The following NUP93 variants were observed in gnomAD, a reference collection of about 807,000 sequenced individuals.
NUP93 encodes nuclear pore complex protein Nup93.
NUP93 carries 55 observed loss-of-function variants against 107.8 expected under a neutral mutation model. That is an observed-to-expected ratio of 0.51 (90% confidence interval 0.41 to 0.64). NUP93 has a LOEUF of 0.64. NUP93 is among the 30% of genes least tolerant of loss of function. The pLI is 0.00. For missense variants in NUP93, 937 were observed against 1,044.7 expected (o/e 0.90, Z 1.42); for synonymous variants, 390 against 397.5 (o/e 0.98, Z 0.22).
At position 56,809,703 on chromosome 16, in the gene NUP93, G is replaced by A. The variant is rs573890127; in HGVS notation, c.489+4071G>A. The stretch of plus-strand genomic sequence containing the variant: ...GTTGGCAAAGGGTAACTGCACATCC[G>A]GTATCTATTCCTGGTTTGTTCCTGA... On this transcript the variant is annotated intron_variant, in intron 5 of 21. Coordinates refer to ENST00000308159, the MANE Select transcript of NUP93 (RefSeq NM_014669.5). 9.2e-5 allele frequency among the ~76,000 whole-genome samples: 14 copies of A among 152,168 alleles called. 1 individual carries two copies. The South Asian group carries it at 1.9e-3, about 20-fold the overall frequency.
chr16:56,805,786 C>A, intron 5 of NUP93, 154 bp downstream of exon 5: 1 of 754,636 alleles, frequency 1.3e-6, no homozygotes, highest in Non-Finnish European at 2.1e-6. Context: ...TTTGCCTGGA[C>A]TTCCTCCAAC....
rs1331626884 is a variant in NUP93, at chr16:56,845,435, AG to A, written c.*828del. ...AGACGACCCCCTTCCCCACTCATTA[AG>A]GTAATTGGCCAGGCAGGCTCATGGG... On this transcript the variant is annotated 3_prime_UTR_variant, in exon 22 of 22. Coordinates refer to ENST00000308159, the MANE Select transcript of NUP93 (RefSeq NM_014669.5). 1 of 152,214 alleles carries A rather than the reference AG, an allele frequency of 6.6e-6. No individual in the cohort carries two copies. The highest frequency in any genetic ancestry group is 1.5e-5 in the Non-Finnish European group (1 of 68,088). 9.4% of individuals were successfully genotyped at this position (152,214 alleles called of 1,614,324 possible).
intron 5 of NUP93, among the ~76,000 whole-genome samples, chr16:56,815,318 T>C (rs1438144531): frequency 1.3e-5 from 2 of 152,144 alleles, no homozygotes; most frequent in Non-Finnish European, 2.9e-5. Context: ...TCTCCAGCTT[T>C]TGGATAGCTC....
intron 2 of NUP93, among the ~76,000 whole-genome samples, chr16:56,757,707 G>T (rs1460942640): frequency 6.6e-6 from 1 of 152,222 alleles, no homozygotes; most frequent in Non-Finnish European, 1.5e-5. Flanking sequence ...ATTAGACTGG[G>T]CAGCAGAGAG....
intron 1 of NUP93, among the ~76,000 whole-genome samples, chr16:56,739,576 T>G (rs1254224762): frequency 2.9e-5 from 1 of 34,252 alleles, no homozygotes; most frequent in Admixed American, 2.5e-4. Context: ...GGCGGGGGGC[T>G]GACCCCCCCA....
Position 56,830,662 on chromosome 16 carries a change from G to C in NUP93, c.1062G>C (p.Glu354Asp). ...QLGEFKTWFQ[E>D]YMNSKDRRLS... is the part of the protein sequence containing the mutation. ...GAGAGTTTAAAACCTGGTTCCAGGA[G>C]TACATGAACAGCAAGGACAGAAGGT... Residue 354 changes from glutamate (E) to aspartate (D), a missense_variant, in exon 10 of 22, where the codon GAG (glutamate) becomes GAC (aspartate). By Grantham distance (45) the Glu-to-Asp change is conservative. Transcript: ENST00000308159. 2 of 1,595,570 alleles carry C rather than the reference G, an allele frequency of 1.3e-6. No homozygotes were observed. Among genetic ancestry groups the C allele is most frequent in the Non-Finnish European group, 8.6e-7 (1 of 1,165,924 alleles).
chr16:56,795,630 A>ATATTTTTATTTTTATTTT (rs5817076), intron 3 of NUP93, among the ~76,000 whole-genome samples: 4 of 147,138 alleles, frequency 2.7e-5, no homozygotes, highest in East Asian at 2.0e-4. Flanking sequence ...TGCTGGAGGA[A>ATATTTTTATTTTTATTTT]TATTTTTATT....
In NUP93 at chr16:56,837,696, TGAA is replaced by T; in HGVS notation, c.1992_1994del (p.Lys664del). The T allele has an allele frequency of 6.2e-7, 1 of 1,614,078 alleles. No homozygotes were observed. Among genetic ancestry groups the T allele is most frequent in the Non-Finnish European group, 8.5e-7 (1 of 1,179,970 alleles). Reference sequence around the variant, plus strand: ...GCCCCGCAATCCAACAAGGAGAGGCTGAAGAACATGGCACTCTCCATTGCCGAA... The same window carrying T: ...GCCCCGCAATCCAACAAGGAGAGGCTGAACATGGCACTCTCCATTGCCGAA... On this transcript the variant is annotated inframe_deletion, in exon 18 of 22. Transcript: ENST00000308159.
chr16:56,844,143 A>C (rs1234864048), intron 21 of NUP93, among the ~76,000 whole-genome samples: 1 of 152,204 alleles, frequency 6.6e-6, no homozygotes, highest in Non-Finnish European at 1.5e-5. Context: ...AACCAGCCAG[A>C]GAGAGAGGCT....
rs1456529200 is a variant in NUP93, at chr16:56,833,300, C to T, written c.1431C>T (p.Ala477=). The stretch of plus-strand genomic sequence containing the variant: ...CAGCGCAGTTTGAAGCAGCAGTTGC[C>T]TTTCTTTTCCGCATGGAGCGGCTGC... ...FLTAQFEAAV[A]FLFRMERLRC... The change falls in exon 13 of 22, where the codon GCC becomes GCT. Residue 477 remains alanine (A), a synonymous_variant. Coordinates refer to ENST00000308159, the MANE Select transcript of NUP93 (RefSeq NM_014669.5). The T allele has an allele frequency of 1.2e-6, 2 of 1,607,198 alleles. No individual in the cohort carries two copies. The highest frequency in any genetic ancestry group is 3.4e-5 in the Admixed American group (2 of 58,722).
chr16:56,833,775 G>A (rs996924207), intron 13 of NUP93, among the ~76,000 whole-genome samples: 1 of 152,128 alleles, frequency 6.6e-6, no homozygotes, highest in Non-Finnish European at 1.5e-5. Context: ...TGCCTGGGAT[G>A]AGAGAGTCAG....
At chr16:56,738,527 C>T (rs1328934402) in intron 1 of NUP93, among the ~76,000 whole-genome samples, 1 of 152,084 alleles carries the variant, frequency 6.6e-6, no homozygotes, top group Non-Finnish European at 1.5e-5. Flanking sequence ...TTGTTTTCTC[C>T]AGAACTCTAC....
In NUP93 at chr16:56,841,899, C is replaced by T. The variant is rs1188719291; in HGVS notation, c.2349+66C>T. ...CCTTTCTGGTTTGGAATCCGTTGCG[C>T]TCTTATGAGACCACATGACCCAAAA... On this transcript the variant is annotated intron_variant, in intron 21 of 21. Transcript: ENST00000308159. The T allele has an allele frequency of 8.8e-6, 14 of 1,587,354 alleles. No individual in the cohort carries two copies. The East Asian group carries it at 3.1e-4, about 36-fold the overall frequency.
intron 5 of NUP93, among the ~76,000 whole-genome samples, chr16:56,807,409 T>C (rs1039808705): frequency 1.1e-4 from 17 of 152,262 alleles, no homozygotes; most frequent in Non-Finnish European, 2.9e-5. Context: ...TCCTTCTATG[T>C]GCCATAGTAT....
At position 56,804,820 on chromosome 16, in the gene NUP93, C is replaced by T. The variant is rs980417999; in HGVS notation, c.361-684C>T. ...ACTCGGGAGGCTGAGACAGGAAAATCACTTGAACCGTGGAGGCGGAGGTTG... is the reference window on the plus strand; with the variant it reads ...ACTCGGGAGGCTGAGACAGGAAAATTACTTGAACCGTGGAGGCGGAGGTTG... On this transcript the variant is annotated intron_variant, in intron 4 of 21. Transcript: ENST00000308159. 7.9e-5 allele frequency among the ~76,000 whole-genome samples: 12 copies of T among 151,232 alleles called. No individual in the cohort carries two copies. The East Asian group carries it at 2.3e-3, about 29-fold the overall frequency.
chr16:56,778,439 G>C (rs980910796), intron 3 of NUP93, among the ~76,000 whole-genome samples: 4 of 151,882 alleles, frequency 2.6e-5, no homozygotes, highest in African/African-American at 9.7e-5. Context: ...AGGAGGGAGG[G>C]CATGGCAGTA....
At chr16:56,763,525 T>G (rs529019714) in intron 3 of NUP93, among the ~76,000 whole-genome samples, 243 of 125,742 alleles carry the variant, frequency 1.9e-3, no homozygotes, top group African/African-American at 5.6e-3. Context: ...TATGTGTGGG[T>G]GTGTGTGTGT....
chr16:56,815,934 A>G (rs1010586459), intron 5 of NUP93, among the ~76,000 whole-genome samples: 13 of 93,768 alleles, frequency 1.4e-4, no homozygotes, highest in East Asian at 2.4e-4. Context: ...TGCTGCTACC[A>G]CTACTACTAC....
rs374297743 is a variant in NUP93, at chr16:56,803,963, G to A, written c.361-1541G>A. Among the ~76,000 whole-genome samples, 36 of 152,092 alleles carry A rather than the reference G, an allele frequency of 2.4e-4. No individual in the cohort carries two copies. In the East Asian group the frequency reaches 5.0e-3, roughly 21 times the overall value. ...AATAGGGTTTTGCCATGTTGACCAG[G>A]GTGGTCTTGAACTCTTGACCTCAAG... On this transcript the variant is annotated intron_variant, in intron 4 of 21. Coordinates refer to ENST00000308159, the MANE Select transcript of NUP93 (RefSeq NM_014669.5).
Sources: allele counts gnomAD v4.1 joint callset (sites outside exome capture counted in the v4.1 genomes callset), GRCh38; gene constraint gnomAD v4.1.1; transcripts MANE v1.5; gene names NCBI Gene and HGNC (gene_info 2026-07-23, HGNC 2026-07-21).